Variants in MRPS16 observed in about 807,000 individuals in gnomAD.
The protein encoded by MRPS16 is small ribosomal subunit protein bS16m.
Under a neutral mutation model 11.0 loss-of-function variants are expected in MRPS16, and 5 were observed. The observed-to-expected ratio is 0.46, with a 90% CI of 0.24 to 0.96. The LOEUF (loss-of-function observed/expected upper bound fraction) is 0.96. Ranked by LOEUF, MRPS16 falls within the 40% of genes least tolerant of loss-of-function variation. The pLI is 0.20. For missense variants in MRPS16, 179 were observed against 174.4 expected (o/e 1.03, Z -0.15); for synonymous variants, 76 against 65.0 (o/e 1.17, Z -0.81).
chr10:73,248,851 G>A lies in MRPS16; in HGVS notation c.*2001C>T, dbSNP rs192848708. ...ACATTTGCTACGGAAAATTGAAATC[G>A]CACACTGAAATATCCTTTTATTGCA... On this transcript the variant is annotated 3_prime_UTR_variant, in exon 3 of 3. Coordinates refer to ENST00000372945, the MANE Select transcript of MRPS16 (RefSeq NM_016065.4). The A allele has an allele frequency of 1.6e-5, 5 of 317,958 alleles. No individual in the cohort carries two copies. The highest frequency in any genetic ancestry group is 8.5e-5 in the East Asian group (1 of 11,742). 19.7% of individuals were successfully genotyped at this position (317,958 alleles called of 1,614,324 possible).
At position 73,252,570 on chromosome 10, in the gene MRPS16, A is replaced by G. The variant is rs1039946659; in HGVS notation, c.-88T>C. On this transcript the variant is annotated 5_prime_UTR_variant, in exon 1 of 3. Transcript: ENST00000372945. ...TTGGCAGGGCAGAGAACAAACACAG[A>G]AAGAACCTGCAAGCCGACACCAGGC... is the stretch of plus-strand genomic sequence containing the variant. 3 of 1,557,768 alleles carry G rather than the reference A, an allele frequency of 1.9e-6. No homozygotes were observed. The highest frequency in any genetic ancestry group is 1.4e-5 in the African/African-American group (1 of 73,876).
At chr10:73,252,103 C>G in intron 1 of MRPS16, 80 bp from the exon 2 acceptor site, 1 of 1,532,928 alleles carries the variant, frequency 6.5e-7, no homozygotes, top group Non-Finnish European at 8.9e-7. Flanking sequence ...TTCCCTTTTC[C>G]CACTGAAATG....
At chr10:73,252,206 C>T (rs570090960) in intron 1 of MRPS16, 183 bp from the exon 2 acceptor site, 74 of 1,080,210 alleles carry the variant, frequency 6.9e-5, no homozygotes, top group Non-Finnish European at 5.4e-5. Context: ...ATGACCTCCT[C>T]CTCATACCCA....
chr10:73,251,013 CTTA>C (rs758621563), intron 2 of MRPS16, 22 bp from the exon 3 acceptor site: 2 of 1,613,564 alleles, frequency 1.2e-6, no homozygotes, highest in Non-Finnish European at 1.7e-6. Context: ...AGATTTTTCA[CTTA>C]TTATAACACA....
At chr10:73,252,430 G>A in intron 1 of MRPS16, 40 bp downstream of exon 1, 1 of 1,608,794 alleles carries the variant, frequency 6.2e-7, no homozygotes, top group South Asian at 1.1e-5. Flanking sequence ...CCCGAGCCCC[G>A]TGACCGCCCG....
rs1423771791 is a variant in MRPS16, at chr10:73,251,954, T to C, written c.83A>G (p.Asn28Ser). The C allele has an allele frequency of 3.7e-6, 6 of 1,614,150 alleles. No individual in the cohort carries two copies. Among genetic ancestry groups the C allele is most frequent in the South Asian group, 3.3e-5 (3 of 91,084 alleles). The change falls in exon 2 of 3, where the codon AAT becomes AGT. Residue 28 changes from asparagine to serine, a missense_variant. Transcript: ENST00000372945. The stretch of plus-strand genomic sequence containing the variant: ...AGCCACAATGCGGTAGAACGGCCGA[T>C]TGGTGCAGCCACCCAGGGCAAGGCG... ...TIRLALGGCT[N>S]RPFYRIVAAH...
At position 73,249,496 on chromosome 10, in the gene MRPS16, A is replaced by G; in HGVS notation, c.*1356T>C. ...TGTCAACATTATTGGTATACAGTTTATCCTAACACAGAGCAGCCTTCTTAA... is the reference window on the plus strand; with the variant it reads ...TGTCAACATTATTGGTATACAGTTTGTCCTAACACAGAGCAGCCTTCTTAA... On this transcript the variant is annotated 3_prime_UTR_variant, in exon 3 of 3. Coordinates refer to ENST00000372945, the MANE Select transcript of MRPS16 (RefSeq NM_016065.4). The G allele has an allele frequency of 1.7e-6, 1 of 600,744 alleles. No homozygotes were observed. Among genetic ancestry groups the G allele is most frequent in the Non-Finnish European group, 2.8e-6 (1 of 352,998 alleles). The allele number at this position is 600,744 out of a possible 1,614,324, so 37.2% of individuals were successfully genotyped here. A position where few individuals can be genotyped will look rare whatever the true frequency, so the allele number is the denominator to read the frequency against.
rs2044055418 is a variant in MRPS16, at chr10:73,249,460, T to G, written c.*1392A>C. ...AGATACAAGAAGTAAAATGCAACAC[T>G]CATTACAGGTTGTCAACATTATTGG... On this transcript the variant is annotated 3_prime_UTR_variant, in exon 3 of 3. Coordinates refer to ENST00000372945, the MANE Select transcript of MRPS16 (RefSeq NM_016065.4). The G allele has an allele frequency of 2.6e-6, 2 of 770,184 alleles. No homozygotes were observed. Among genetic ancestry groups the G allele is most frequent in the Non-Finnish European group, 4.1e-6 (2 of 485,452 alleles). 47.7% of individuals were successfully genotyped at this position (770,184 alleles called of 1,614,324 possible).
chr10:73,252,579 GCAAGCCGACAC>G lies in MRPS16; in HGVS notation c.-108_-98del. On this transcript the variant is annotated 5_prime_UTR_variant, in exon 1 of 3. Transcript: ENST00000372945. ...CAGAGAACAAACACAGAAAGAACCT[GCAAGCCGACAC>G]CAGGCCGCACCGCCAAGCGGTACAA... 2 of 1,525,682 alleles carry G rather than the reference GCAAGCCGACAC, an allele frequency of 1.3e-6. No individual in the cohort carries two copies. The highest frequency in any genetic ancestry group is 1.8e-6 in the Non-Finnish European group (2 of 1,131,030). 94.5% of individuals were successfully genotyped at this position (1,525,682 alleles called of 1,614,324 possible).
intron 1 of MRPS16, 88 bp from the exon 2 acceptor site, chr10:73,252,111 ATGT>A: frequency 6.6e-7 from 1 of 1,518,634 alleles, no homozygotes; most frequent in South Asian, 1.2e-5. Flanking sequence ...TCCCACTGAA[ATGT>A]CTCACTTCCA....
At chr10:73,252,331 G>A (rs1415230163) in intron 1 of MRPS16, 139 bp downstream of exon 1, 17 of 1,309,302 alleles carry the variant, frequency 1.3e-5, no homozygotes, top group Non-Finnish European at 1.8e-5. Context: ...AAAACTGAGA[G>A]AAGGATCAAA....
At position 73,249,545 on chromosome 10, in the gene MRPS16, A is replaced by G; in HGVS notation, c.*1307T>C. 2.0e-6 allele frequency: 1 copy of G among 504,676 alleles called. No homozygotes were observed. The highest frequency in any genetic ancestry group is 3.5e-6 in the Non-Finnish European group (1 of 283,920). 31.3% of individuals were successfully genotyped at this position (504,676 alleles called of 1,614,324 possible). A position where few individuals can be genotyped will look rare whatever the true frequency, so the allele number is the denominator to read the frequency against. On this transcript the variant is annotated 3_prime_UTR_variant, in exon 3 of 3. Transcript: ENST00000372945. Reference sequence around the variant, plus strand: ...AACCTGCTCCATAAAATTACCAGCAAGAAAGAAAAGTACAAGAATAAGGTT... The same window carrying G: ...AACCTGCTCCATAAAATTACCAGCAGGAAAGAAAAGTACAAGAATAAGGTT...
chr10:73,251,091 G>A (rs1341737079), intron 2 of MRPS16, 100 bp from the exon 3 acceptor site: 1 of 1,389,146 alleles, frequency 7.2e-7, no homozygotes, highest in African/African-American at 1.4e-5. Flanking sequence ...CTGACCCAGT[G>A]CATGGATGCA....
intron 1 of MRPS16, 141 bp downstream of exon 1, chr10:73,252,329 G>A (rs2044127479): frequency 2.1e-5 from 28 of 1,304,176 alleles, no homozygotes; most frequent in Admixed American, 3.9e-5. Flanking sequence ...AAAAAACTGA[G>A]AGAAGGATCA....
Position 73,250,776 on chromosome 10 carries a change from AAAATT to A in MRPS16, c.*71_*75del. 6.3e-7 allele frequency: 1 copy of A among 1,581,764 alleles called. No homozygotes were observed. The highest frequency in any genetic ancestry group is 8.6e-7 in the Non-Finnish European group (1 of 1,159,384). ...CCATTTATTGAACTCCAAATCTAAC[AAAATT>A]AAGATCGCTGCAGTGTTTCAAAAGG... On this transcript the variant is annotated 3_prime_UTR_variant, in exon 3 of 3. Coordinates refer to ENST00000372945, the MANE Select transcript of MRPS16 (RefSeq NM_016065.4).
chr10:73,250,382 CTCA>C lies in MRPS16; in HGVS notation c.*467_*469del. 6.2e-6 allele frequency: 1 copy of C among 160,392 alleles called. No individual in the cohort carries two copies. The highest frequency in any genetic ancestry group is 1.3e-4 in the South Asian group (1 of 7,598). 9.9% of individuals were successfully genotyped at this position (160,392 alleles called of 1,614,324 possible). On this transcript the variant is annotated 3_prime_UTR_variant, in exon 3 of 3. Transcript: ENST00000372945. ...GCCTGGCAACAGAACAAGACTCCGT[CTCA>C]AAAAAAAAAAAAAAAAGAGAATATG...
At position 73,252,473 on chromosome 10, in the gene MRPS16, G is replaced by A; in HGVS notation, c.10C>T (p.Leu4Phe). The change falls in exon 1 of 3, where the codon CTC (leucine) becomes TTC (phenylalanine). Residue 4 changes from leucine to phenylalanine, a missense_variant. Leu to Phe is a conservative substitution (Grantham distance 22). Transcript: ENST00000372945. MVH[L>F]TTLLCKAYRG... ...TCGCGGTGGCCCGATGACTCACTGA[G>A]GTGGACCATGGTGCCGCCGGCGTGC... 5 of 1,609,076 alleles carry A rather than the reference G, an allele frequency of 3.1e-6. No homozygotes were observed. Among genetic ancestry groups the A allele is most frequent in the Non-Finnish European group, 4.2e-6 (5 of 1,179,822 alleles).
At position 73,250,642 on chromosome 10, in the gene MRPS16, C is replaced by T. The variant is rs1237056976; in HGVS notation, c.*210G>A. On this transcript the variant is annotated 3_prime_UTR_variant, in exon 3 of 3. Coordinates refer to ENST00000372945, the MANE Select transcript of MRPS16 (RefSeq NM_016065.4). ...GCCACTGTCTATCCCAAGACAAAGT[C>T]GAAAAAAGCTAATTAGTACCCACAC... The T allele has an allele frequency of 9.9e-6, 6 of 607,428 alleles. No homozygotes were observed. Among genetic ancestry groups the T allele is most frequent in the East Asian group, 9.1e-5 (3 of 32,882 alleles). The allele number at this position is 607,428 out of a possible 1,614,324, so 37.6% of individuals were successfully genotyped here.
chr10:73,251,407 C>T (rs2133441833), intron 2 of MRPS16, among the ~76,000 whole-genome samples: 1 of 152,080 alleles, frequency 6.6e-6, no homozygotes, highest in East Asian at 1.9e-4. Context: ...ATGGAATCGC[C>T]CTCTGTTGCC....
Sources: gnomAD v4.1 joint callset for allele counts (sites outside exome capture counted in the v4.1 genomes callset) on GRCh38, gnomAD v4.1.1 for gene constraint, MANE v1.5 for transcripts, NCBI Gene and HGNC (gene_info 2026-07-23, HGNC 2026-07-21) for gene names.